Variants in WDR70 observed in about 807,000 individuals in gnomAD.
WDR70 encodes the protein WD repeat-containing protein 70.
A neutral mutation model predicts 88.6 loss-of-function variants in WDR70; 53 were observed. That is an observed-to-expected ratio of 0.60 (90% CI 0.48 to 0.75). WDR70 has a LOEUF of 0.75. WDR70 is among the 30% of genes least tolerant of loss of function. The pLI is 0.00. For synonymous variants in WDR70, 280 were observed against 270.0 expected (o/e 1.04, Z -0.36); for missense variants, 610 against 823.2 (o/e 0.74, Z 3.17).
At chr5:37,603,677 A>G (rs1259301670) in intron 9 of WDR70, among the ~76,000 whole-genome samples, 3 of 152,108 alleles carry the variant, frequency 2.0e-5, no homozygotes, top group Non-Finnish European at 4.4e-5. Context: ...TTTCTAATTA[A>G]TTTTATTATT....
chr5:37,732,321 G>A (rs1748170117), intron 17 of WDR70, among the ~76,000 whole-genome samples: 1 of 152,042 alleles, frequency 6.6e-6, no homozygotes. Context: ...GGAAGATTGG[G>A]CCAGATCCAT....
At chr5:37,638,453 C>T (rs1745028010) in intron 10 of WDR70, among the ~76,000 whole-genome samples, 2 of 152,152 alleles carry the variant, frequency 1.3e-5, no homozygotes, top group South Asian at 2.1e-4. Flanking sequence ...CCGGACTTGT[C>T]AGGAGGACCA....
intron 14 of WDR70, chr5:37,722,238 T>C (rs1036987842): frequency 2.6e-5 from 4 of 152,284 alleles, no homozygotes; most frequent in African/African-American, 9.6e-5. Flanking sequence ...AGCACCCATT[T>C]AGAAGGCACT....
At chr5:37,518,384 G>A (rs1419033399) in intron 9 of WDR70, among the ~76,000 whole-genome samples, 6 of 150,978 alleles carry the variant, frequency 4.0e-5, no homozygotes, top group South Asian at 2.1e-4. Context: ...GGTAACCATC[G>A]TTCTTCTCTC....
chr5:37,418,268 A>G (rs533082245), intron 5 of WDR70, among the ~76,000 whole-genome samples: 26 of 152,268 alleles, frequency 1.7e-4, no homozygotes, highest in African/African-American at 6.3e-4. Context: ...TTTTAATTTT[A>G]TTTTAAGATA....
intron 9 of WDR70, among the ~76,000 whole-genome samples, chr5:37,581,252 CACTGGTGAAT>C (rs1431265919): frequency 7.2e-5 from 10 of 138,910 alleles, no homozygotes; most frequent in African/African-American, 3.0e-4. Flanking sequence ...ATATAGGGAA[CACTGGTGAAT>C]GTAGACAGTA....
chr5:37,417,962 A>G (rs1749814020), intron 5 of WDR70, among the ~76,000 whole-genome samples: 1 of 152,228 alleles, frequency 6.6e-6, no homozygotes, highest in South Asian at 2.1e-4. Flanking sequence ...CCATTAAGTA[A>G]GTGGAAATGA....
intron 9 of WDR70, among the ~76,000 whole-genome samples, chr5:37,547,315 A>G (rs2112341315): frequency 6.6e-6 from 1 of 152,298 alleles, no homozygotes; most frequent in Admixed American, 6.5e-5. Context: ...TCATAAAGTT[A>G]AAATATCTCT....
At chr5:37,563,454 CG>C (rs1742602414) in intron 9 of WDR70, among the ~76,000 whole-genome samples, 1 of 52,270 alleles carries the variant, frequency 1.9e-5, no homozygotes. Context: ...CCTTCCCGGA[CG>C]GGGCGGCTGG....
chr5:37,499,352 G>A (rs1740326181), intron 8 of WDR70, among the ~76,000 whole-genome samples: 2 of 151,832 alleles, frequency 1.3e-5, no homozygotes, highest in African/African-American at 4.8e-5. Flanking sequence ...GACCTCAAGT[G>A]ATCTGCCCAC....
chr5:37,592,244 A>C (rs960980714), intron 9 of WDR70, among the ~76,000 whole-genome samples: 2 of 152,214 alleles, frequency 1.3e-5, no homozygotes, highest in African/African-American at 2.4e-5. Context: ...ATTTTATATA[A>C]TATTTAAAAA....
chr5:37,435,039 T>C (rs1024451157), intron 5 of WDR70, among the ~76,000 whole-genome samples: 54 of 152,332 alleles, frequency 3.5e-4, no homozygotes, highest in African/African-American at 1.3e-3. Flanking sequence ...ATATGGGATT[T>C]TTATGAGTTA....
At chr5:37,643,709 T>C (rs1031091926) in intron 10 of WDR70, among the ~76,000 whole-genome samples, 1 of 151,992 alleles carries the variant, frequency 6.6e-6, no homozygotes, top group Non-Finnish European at 1.5e-5. Context: ...TTCACTTCTT[T>C]GGTTAATTCC....
chr5:37,736,644 G>C (rs1157489018), intron 17 of WDR70, among the ~76,000 whole-genome samples: 1 of 149,476 alleles, frequency 6.7e-6, no homozygotes, highest in South Asian at 2.1e-4. Flanking sequence ...TTTTTGCGGT[G>C]GGGGGGTTGT....
chr5:37,497,235 CTCCTCCCTCCCTTTTCCCTTCCTCCCT>C (rs1452831438), intron 8 of WDR70, among the ~76,000 whole-genome samples: 1 of 147,754 alleles, frequency 6.8e-6, no homozygotes, highest in Admixed American at 6.7e-5. Context: ...TCCTCCCTCC[CTCCTCCCTCCCTTTTCCCTTCCTCCCT>C]TCCTCCCTCC....
At chr5:37,745,234 TTTG>T (rs1748601508) in intron 17 of WDR70, among the ~76,000 whole-genome samples, 1 of 151,998 alleles carries the variant, frequency 6.6e-6, no homozygotes, top group Non-Finnish European at 1.5e-5. Flanking sequence ...GCTGAGGGAT[TTTG>T]TTACCACGAG....
intron 7 of WDR70, among the ~76,000 whole-genome samples, chr5:37,476,402 C>T (rs2112147626): frequency 6.6e-6 from 1 of 152,262 alleles, no homozygotes; most frequent in Admixed American, 6.5e-5. Context: ...GAATCCCTGT[C>T]TATATTCAAA....
At chr5:37,588,666 T>C (rs1181774947) in intron 9 of WDR70, among the ~76,000 whole-genome samples, 2 of 152,116 alleles carry the variant, frequency 1.3e-5, no homozygotes, top group African/African-American at 4.8e-5. Context: ...AGTCTTGAAC[T>C]CCTGGGCTCA....
chr5:37,593,921 T>G (rs970914613), intron 9 of WDR70, among the ~76,000 whole-genome samples: 3 of 152,260 alleles, frequency 2.0e-5, no homozygotes, highest in African/African-American at 7.2e-5. Context: ...CATTTTTTCA[T>G]GTGTCTGATG....
Sources: gnomAD v4.1 joint callset for allele counts (sites outside exome capture counted in the v4.1 genomes callset) on GRCh38, gnomAD v4.1.1 for gene constraint, MANE v1.5 for transcripts, NCBI Gene and HGNC (gene_info 2026-07-23, HGNC 2026-07-21) for gene names.